Variants in LPGAT1 observed in about 807,000 individuals in gnomAD.
The protein encoded by LPGAT1 is lysophosphatidylglycerol acyltransferase 1, also known as acyl-CoA:lysophosphatidylglycerol acyltransferase 1.
A neutral mutation model predicts 47.5 loss-of-function variants in LPGAT1; 11 were observed. The observed-to-expected ratio is 0.23, with a 90% CI of 0.15 to 0.38. LPGAT1 has a LOEUF of 0.38. Ranked by LOEUF, LPGAT1 falls within the 10% of genes least tolerant of loss-of-function variation. LPGAT1 has a pLI of 1.00. For synonymous variants in LPGAT1, 138 were observed against 144.2 expected, an observed-to-expected ratio of 0.96 and a Z score of 0.31; for missense variants, 293 against 439.0, an observed-to-expected ratio of 0.67 and a Z score of 2.97.
chr1:211,785,076 T>C (rs1237759649), intron 4 of LPGAT1, among the ~76,000 whole-genome samples: 1 of 152,196 alleles, frequency 6.6e-6, no homozygotes, highest in East Asian at 1.9e-4. Context: ...GTGCTGGGAT[T>C]ACAGGCGTGA....
At chr1:211,771,007 G>C (rs1325696280) in intron 6 of LPGAT1, among the ~76,000 whole-genome samples, 1 of 149,200 alleles carries the variant, frequency 6.7e-6, no homozygotes, top group African/African-American at 2.5e-5. Context: ...TGAGGTGGGA[G>C]AATCACTTGA....
Position 211,830,671 on chromosome 1 carries a change from C to T in LPGAT1, c.-126G>A, listed in dbSNP as rs1660708242. 4 of 1,193,692 alleles carry T rather than the reference C, an allele frequency of 3.4e-6. No homozygotes were observed. The highest frequency in any genetic ancestry group is 4.1e-6 in the Non-Finnish European group (4 of 965,806). The allele number at this position is 1,193,692 out of a possible 1,614,324, so 73.9% of individuals were successfully genotyped here. On this transcript the variant is annotated 5_prime_UTR_variant, in exon 1 of 8. Transcript: ENST00000366997. This position sits in a 1 kb window ranked among gnomAD's most constrained non-coding sequence, Gnocchi z 5.9. ...CCGGCGGAAGAAGGCGGTGGCGGGG[C>T]CCTGCCCCGCTCCGGCTGTGGCGCG...
At position 211,750,029 on chromosome 1, in the gene LPGAT1, C is replaced by T. The variant is rs1228742641; in HGVS notation, c.983G>A (p.Gly328Asp). Residue 328 changes from glycine to aspartate, a missense_variant, in exon 8 of 8, where the codon GGC becomes GAC. Coordinates refer to ENST00000366997, the MANE Select transcript of LPGAT1 (RefSeq NM_014873.3). The stretch of plus-strand genomic sequence containing the variant: ...CTCCCTGGAAACAGCTTCCTTATGG[C>T]CCTTGGAAGGTGGAAAAGCTCCTAA... ...YETGAFPPSK[G>D]HKEAVSREMT... The T allele has an allele frequency of 5.0e-6, 8 of 1,613,306 alleles. No homozygotes were observed. The highest frequency in any genetic ancestry group is 6.8e-6 in the Non-Finnish European group (8 of 1,179,806).
chr1:211,778,152 C>T (rs1333610858), intron 6 of LPGAT1, among the ~76,000 whole-genome samples: 1 of 152,074 alleles, frequency 6.6e-6, no homozygotes, highest in Non-Finnish European at 1.5e-5. Context: ...ACCATCCTGG[C>T]GAACACAGTG....
At chr1:211,786,445 GGTATTGT>G in intron 4 of LPGAT1, among the ~76,000 whole-genome samples, 1 of 152,236 alleles carries the variant, frequency 6.6e-6, no homozygotes, top group South Asian at 2.1e-4. Context: ...AAATAACTGT[GGTATTGT>G]CATGCATAAA....
rs1219291354 is a variant in LPGAT1 at position 211,748,538 on chromosome 1, A to T, written c.*1361T>A. The stretch of plus-strand genomic sequence containing the variant: ...CATCTCTACTAAAAATACAAAAATT[A>T]GCCAAGCATGATGGTGGGTGCCTGT... On this transcript the variant is annotated 3_prime_UTR_variant, in exon 8 of 8. Transcript: ENST00000366997. 1 of 152,278 alleles carries T rather than the reference A, an allele frequency of 6.6e-6. No homozygotes were observed. Among genetic ancestry groups the T allele is most frequent in the African/African-American group, 2.4e-5 (1 of 41,422 alleles). The allele number at this position is 152,278 out of a possible 1,614,324, so 9.4% of individuals were successfully genotyped here.
In LPGAT1 at chr1:211,829,186, G is replaced by C. The variant is rs745501600; in HGVS notation, c.111C>G (p.Ile37Met). The change falls in exon 2 of 8, where the codon ATC becomes ATG. Residue 37 changes from isoleucine (I) to methionine (M), a missense_variant. Coordinates refer to ENST00000366997, the MANE Select transcript of LPGAT1 (RefSeq NM_014873.3). ...GGGGCTGAAGTATAATTACATAGCAGATGTAGGATGGAATAGCAACCAGGT... is the reference window on the plus strand; with the variant it reads ...GGGGCTGAAGTATAATTACATAGCACATGTAGGATGGAATAGCAACCAGGT... ...VNNLVAIPSY[I>M]CYVIILQPLR... 4 of 1,614,144 alleles carry C rather than the reference G, an allele frequency of 2.5e-6. No individual in the cohort carries two copies. The African/African-American group carries it at 4.0e-5, about 16-fold the overall frequency.
At position 211,746,023 on chromosome 1, in the gene LPGAT1, T is replaced by C. The variant is rs749342918; in HGVS notation, c.*3876A>G. ...AAAGAACAAAGAAAACAATTAACTC[T>C]TCCTACTCAGTAGTGCAAATAAAAC... is the stretch of plus-strand genomic sequence containing the variant. On this transcript the variant is annotated 3_prime_UTR_variant, in exon 8 of 8. Transcript: ENST00000366997. 2 of 152,640 alleles carry C rather than the reference T, an allele frequency of 1.3e-5. No homozygotes were observed. Among genetic ancestry groups the C allele is most frequent in the Non-Finnish European group, 2.9e-5 (2 of 68,042 alleles). The allele number at this position is 152,640 out of a possible 1,614,324, so 9.5% of individuals were successfully genotyped here.
At chr1:211,757,497 A>C (rs1287632860) in intron 6 of LPGAT1, among the ~76,000 whole-genome samples, 1 of 152,234 alleles carries the variant, frequency 6.6e-6, no homozygotes, top group Non-Finnish European at 1.5e-5. Context: ...TGTGCTGATT[A>C]AGTGCCAGAT....
chr1:211,783,780 G>C (rs967726941), intron 4 of LPGAT1, among the ~76,000 whole-genome samples: 2 of 152,158 alleles, frequency 1.3e-5, no homozygotes, highest in African/African-American at 2.4e-5. Context: ...ACTACTTACT[G>C]AGTGCCTGCT....
chr1:211,795,165 T>C (rs1659297966), intron 2 of LPGAT1, among the ~76,000 whole-genome samples: 1 of 152,116 alleles, frequency 6.6e-6, no homozygotes, highest in African/African-American at 2.4e-5. Context: ...ACTTGAAAAA[T>C]TAAGATGGTG....
intron 6 of LPGAT1, among the ~76,000 whole-genome samples, chr1:211,771,707 G>A (rs1658180574): frequency 6.6e-6 from 1 of 151,888 alleles, no homozygotes; most frequent in African/African-American, 2.4e-5. Context: ...TTACCACATT[G>A]GCCAGGCTGG....
chr1:211,756,485 G>T (rs1410371423), intron 6 of LPGAT1, among the ~76,000 whole-genome samples: 1 of 152,112 alleles, frequency 6.6e-6, no homozygotes, highest in South Asian at 2.1e-4. Flanking sequence ...GCATCATCAT[G>T]CCCAGCTAAT....
At chr1:211,753,352 T>A (rs1657288554) in intron 6 of LPGAT1, among the ~76,000 whole-genome samples, 1 of 152,224 alleles carries the variant, frequency 6.6e-6, no homozygotes. Flanking sequence ...GATTCAAGGT[T>A]AAAAACCATT....
chr1:211,766,475 C>A (rs1482922222), intron 6 of LPGAT1, among the ~76,000 whole-genome samples: 1 of 152,174 alleles, frequency 6.6e-6, no homozygotes, highest in Non-Finnish European at 1.5e-5. Flanking sequence ...CCTAGCATAC[C>A]TTAAATGTGC....
At chr1:211,764,088 C>G (rs558681907) in intron 6 of LPGAT1, among the ~76,000 whole-genome samples, 6 of 151,906 alleles carry the variant, frequency 3.9e-5, no homozygotes, top group Non-Finnish European at 5.9e-5. Context: ...AGGAGAATCA[C>G]TTGAACCCAG....
chr1:211,752,285 C>CT (rs904315475), intron 6 of LPGAT1, among the ~76,000 whole-genome samples: 5 of 151,878 alleles, frequency 3.3e-5, no homozygotes, highest in Non-Finnish European at 5.9e-5. Flanking sequence ...GGTCTGTAAG[C>CT]TTTTTTTTAA....
At chr1:211,785,482 C>T (rs2102542891) in intron 4 of LPGAT1, among the ~76,000 whole-genome samples, 1 of 152,094 alleles carries the variant, frequency 6.6e-6, no homozygotes, top group South Asian at 2.1e-4. Context: ...TGTAAACTTT[C>T]CAGAAACTTC....
intron 2 of LPGAT1, 180 bp from the exon 3 acceptor site, chr1:211,793,370 C>A: frequency 3.4e-6 from 1 of 298,024 alleles, no homozygotes; most frequent in Non-Finnish European, 6.1e-6. Context: ...TTTTATAGAG[C>A]CCCCAAATAT....
Sources: gnomAD v4.1 joint callset for allele counts (sites outside exome capture counted in the v4.1 genomes callset) on GRCh38, gnomAD v4.1.1 for gene constraint, Gnocchi (gnomAD v3.1) non-coding constraint, MANE v1.5 for transcripts, NCBI Gene and HGNC (gene_info 2026-07-23, HGNC 2026-07-21) for gene names.